The following VPS41 variants were observed in gnomAD, a reference collection of about 807,000 sequenced individuals.
VPS41 encodes vacuolar protein sorting-associated protein 41 homolog.
A neutral mutation model predicts 130.9 loss-of-function variants in VPS41; 85 were observed. That is an observed-to-expected ratio of 0.65 (90% CI 0.55 to 0.78). The LOEUF (loss-of-function observed/expected upper bound fraction) is 0.78, where lower values mean the gene tolerates loss of function less well. Among genes scored for constraint, VPS41 ranks in the 30% least tolerant of loss-of-function variants. The probability of loss-of-function intolerance (pLI) is 0.00; values close to 1 mark genes in which losing one functional copy is unlikely to be tolerated. For missense variants in VPS41, 874 were observed against 1,018.7 expected, an observed-to-expected ratio of 0.86 and a Z score of 1.93; for synonymous variants, 335 against 332.9, an observed-to-expected ratio of 1.01 and a Z score of -0.07.
chr7:38,828,348 C>T (rs945642228), intron 5 of VPS41, among the ~76,000 whole-genome samples: 3 of 151,924 alleles, frequency 2.0e-5, no homozygotes, highest in Admixed American at 6.6e-5. Flanking sequence ...GCTGAATAAA[C>T]GGTGTAAATT....
intron 17 of VPS41, 52 bp from the exon 18 acceptor site, chr7:38,758,533 T>C: frequency 6.5e-7 from 1 of 1,545,460 alleles, no homozygotes; most frequent in Non-Finnish European, 8.8e-7. Flanking sequence ...AGAATAATAG[T>C]TGTGATATTG....
intron 5 of VPS41, among the ~76,000 whole-genome samples, chr7:38,829,680 C>A (rs1271169183): frequency 6.6e-6 from 1 of 152,180 alleles, no homozygotes; most frequent in African/African-American, 2.4e-5. Flanking sequence ...ATACACTGCA[C>A]AAATGATGTA....
intron 7 of VPS41, among the ~76,000 whole-genome samples, chr7:38,808,196 C>CA (rs1449207879): frequency 5.9e-5 from 9 of 152,018 alleles, no homozygotes; most frequent in Non-Finnish European, 1.2e-4. Context: ...ATATTGACAT[C>CA]AAAAAAGCAA....
At chr7:38,820,132 C>T (rs1785143306) in intron 6 of VPS41, among the ~76,000 whole-genome samples, 1 of 152,194 alleles carries the variant, frequency 6.6e-6, no homozygotes, top group African/African-American at 2.4e-5. Context: ...TCATCCAAGC[C>T]ATCACTAAGG....
At chr7:38,803,487 A>G (rs1297166635) in intron 7 of VPS41, among the ~76,000 whole-genome samples, 1 of 152,210 alleles carries the variant, frequency 6.6e-6, no homozygotes, top group Non-Finnish European at 1.5e-5. Flanking sequence ...AAGAAAACAA[A>G]TATTTCACAA....
chr7:38,811,185 AATCT>A (rs1784935913), intron 7 of VPS41, among the ~76,000 whole-genome samples: 1 of 152,104 alleles, frequency 6.6e-6, no homozygotes, highest in Admixed American at 6.5e-5. Flanking sequence ...CAACTAAATA[AATCT>A]ATTTCAAAAC....
At chr7:38,821,633 G>A (rs1173292596) in intron 5 of VPS41, among the ~76,000 whole-genome samples, 1 of 148,536 alleles carries the variant, frequency 6.7e-6, no homozygotes, top group African/African-American at 2.5e-5. Context: ...CTTGAACCTG[G>A]GAGGCAGAGG....
intron 21 of VPS41, among the ~76,000 whole-genome samples, chr7:38,754,025 TA>T (rs1554287881): frequency 3.3e-5 from 5 of 152,216 alleles, no homozygotes; most frequent in Non-Finnish European, 7.4e-5. Flanking sequence ...GTATAACTTT[TA>T]AAGGACATAG....
At chr7:38,773,996 CG>C (rs1254514371) in intron 12 of VPS41, 118 bp downstream of exon 12, 5 of 1,000,526 alleles carry the variant, frequency 5.0e-6, no homozygotes, top group Admixed American at 4.7e-5. Flanking sequence ...ACACAGTCTA[CG>C]CAGGTATTCT....
chr7:38,887,726 G>A (rs1786765956), intron 2 of VPS41, among the ~76,000 whole-genome samples: 1 of 152,102 alleles, frequency 6.6e-6, no homozygotes, highest in African/African-American at 2.4e-5. Context: ...ACACATAATT[G>A]TCAGATTCAC....
chr7:38,860,812 G>A (rs1331247274), intron 4 of VPS41, among the ~76,000 whole-genome samples: 1 of 151,694 alleles, frequency 6.6e-6, no homozygotes, highest in African/African-American at 2.4e-5. Flanking sequence ...TCGTTAGGCA[G>A]ACATACGCTT....
chr7:38,844,550 G>C (rs1459443288), intron 4 of VPS41, among the ~76,000 whole-genome samples: 3 of 152,146 alleles, frequency 2.0e-5, no homozygotes, highest in Non-Finnish European at 2.9e-5. Flanking sequence ...AATCATCTGA[G>C]AATGTGAAGA....
At chr7:38,841,767 C>G (rs185266281) in intron 4 of VPS41, among the ~76,000 whole-genome samples, 1 of 152,328 alleles carries the variant, frequency 6.6e-6, no homozygotes, top group African/African-American at 2.4e-5. Flanking sequence ...CCACACCCAG[C>G]TAATTGTTGT....
intron 17 of VPS41, among the ~76,000 whole-genome samples, chr7:38,758,838 G>C (rs1783858031): frequency 6.6e-6 from 1 of 152,176 alleles, no homozygotes; most frequent in African/African-American, 2.4e-5. Flanking sequence ...AAGTAATGAA[G>C]CTTTCATTAA....
At position 38,726,815 on chromosome 7, in the gene VPS41, T is replaced by C. The variant is rs975095175; in HGVS notation, c.2484+94A>G. 8.8e-5 allele frequency: 100 copies of C among 1,130,844 alleles called. No individual in the cohort carries two copies. The Middle Eastern group carries it at 1.3e-3, about 15-fold the overall frequency. The allele number at this position is 1,130,844 out of a possible 1,614,324, so 70.1% of individuals were successfully genotyped here. On this transcript the variant is annotated intron_variant, in intron 28 of 28. Transcript: ENST00000310301. ...CACATTGTAATTTTTTTTTAACCCA[T>C]ACAGCCATAAGGATGAAGGGTTACA... is the stretch of plus-strand genomic sequence containing the variant.
At chr7:38,823,113 A>G (rs1562599311) in intron 5 of VPS41, among the ~76,000 whole-genome samples, 1 of 152,172 alleles carries the variant, frequency 6.6e-6, no homozygotes. Context: ...CTCCAAGGTG[A>G]TGGTATTAAG....
At chr7:38,857,356 C>G (rs944553241) in intron 4 of VPS41, among the ~76,000 whole-genome samples, 3 of 152,072 alleles carry the variant, frequency 2.0e-5, no homozygotes, top group African/African-American at 7.2e-5. Flanking sequence ...ACAGCAAAAC[C>G]TCATCATTTT....
intron 4 of VPS41, among the ~76,000 whole-genome samples, chr7:38,844,707 T>C (rs73123621): frequency 0.066 from 10,057 of 152,244 alleles, 343 homozygotes; most frequent in African/African-American, 0.087. Context: ...CATTAAAATA[T>C]CCCTTCTTTT....
At chr7:38,804,175 CTT>C (rs11478893) in intron 7 of VPS41, among the ~76,000 whole-genome samples, 1 of 151,066 alleles carries the variant, frequency 6.6e-6, no homozygotes, top group South Asian at 2.1e-4. Context: ...GCAACACAGA[CTT>C]TTTTTTTTAA....
Sources: gnomAD v4.1 joint callset for allele counts (sites outside exome capture counted in the v4.1 genomes callset) on GRCh38, gnomAD v4.1.1 for gene constraint, MANE v1.5 for transcripts, NCBI Gene and HGNC (gene_info 2026-07-23, HGNC 2026-07-21) for gene names.